MYBPC1: variants seen among roughly 807,000 people sequenced by gnomAD.
MYBPC1 encodes myosin-binding protein C, slow-type.
A neutral mutation model predicts 147.1 loss-of-function variants in MYBPC1; 52 were observed. That is an observed-to-expected ratio of 0.35 (90% CI 0.28 to 0.45). The LOEUF (loss-of-function observed/expected upper bound fraction) is 0.45. Among genes scored for constraint, MYBPC1 ranks in the 20% least tolerant of loss-of-function variants. The pLI is 1.00. For synonymous variants in MYBPC1, 477 were observed against 475.9 expected, an observed-to-expected ratio of 1.00 and a Z score of -0.03; for missense variants, 1,228 against 1,440.3, an observed-to-expected ratio of 0.85 and a Z score of 2.39.
At chr12:101,599,740 C>A (rs904609437) in intron 1 of MYBPC1, among the ~76,000 whole-genome samples, 1 of 152,170 alleles carries the variant, frequency 6.6e-6, no homozygotes, top group Non-Finnish European at 1.5e-5. Flanking sequence ...TCCCTTTTGA[C>A]TTCAAATGGT....
At chr12:101,687,798 A>C (rs7970837), downstream of MYBPC1, among the ~76,000 whole-genome samples, 4 of 151,874 alleles carry the variant, frequency 2.6e-5, no homozygotes, top group Non-Finnish European at 5.9e-5. Context: ...GGCTGCTTAT[A>C]CGTGTATGGT....
chr12:101,693,106 G>A, the MYBPC1 span, among the ~76,000 whole-genome samples: 7 of 151,682 alleles, frequency 4.6e-5, no homozygotes, highest in Non-Finnish European at 7.4e-5. Flanking sequence ...ACCACCACGC[G>A]CGGCTAATTT....
chr12:101,637,472 A>G (rs1430396140), intron 10 of MYBPC1, among the ~76,000 whole-genome samples: 2 of 152,144 alleles, frequency 1.3e-5, no homozygotes, highest in African/African-American at 2.4e-5. Context: ...ATACTATATT[A>G]TATGCCTGTT....
chr12:101,596,554 GT>G (rs1593547480), intron 1 of MYBPC1, among the ~76,000 whole-genome samples: 1 of 152,052 alleles, frequency 6.6e-6, no homozygotes, highest in Non-Finnish European at 1.5e-5. Flanking sequence ...TTTTGCATTT[GT>G]TTTTTTAAAG....
intron 17 of MYBPC1, 113 bp downstream of exon 17, chr12:101,652,897 A>G: frequency 1.1e-5 from 12 of 1,089,828 alleles, no homozygotes; most frequent in Middle Eastern, 2.1e-4. Flanking sequence ...AAATACATCA[A>G]TTGGTATTAA....
At chr12:101,608,612 T>A (rs1427964620) in intron 1 of MYBPC1, among the ~76,000 whole-genome samples, 1 of 152,220 alleles carries the variant, frequency 6.6e-6, no homozygotes, top group Admixed American at 6.5e-5. Flanking sequence ...GCTAACCTTG[T>A]TGACAACAGT....
chr12:101,629,738 T>A lies in MYBPC1; in HGVS notation c.289+194T>A, dbSNP rs779758257. Among the ~76,000 whole-genome samples the A allele has an allele frequency of 3.0e-4, 46 of 152,132 alleles. No homozygotes were observed. In the Middle Eastern group the frequency reaches 0.01, roughly 34 times the overall value. On this transcript the variant is annotated intron_variant, in intron 6 of 31. Coordinates refer to ENST00000361466, the MANE Select transcript of MYBPC1 (RefSeq NM_002465.4). ...AAATACAAAAATTAGCAGGGCATGGTGGCAGACACCTGTAATCTCAGCTAC... is the reference window on the plus strand; with the variant it reads ...AAATACAAAAATTAGCAGGGCATGGAGGCAGACACCTGTAATCTCAGCTAC...
At chr12:101,671,597 T>C (rs1350435404) in intron 24 of MYBPC1, among the ~76,000 whole-genome samples, 1 of 152,222 alleles carries the variant, frequency 6.6e-6, no homozygotes, top group Non-Finnish European at 1.5e-5. Flanking sequence ...TTTCCTTCTC[T>C]TGCAGCATCA....
Position 101,596,785 on chromosome 12 carries a change from T to G in MYBPC1, c.25+1690T>G, listed in dbSNP as rs570862131. On this transcript the variant is annotated intron_variant, in intron 1 of 31. Coordinates refer to ENST00000361466, the MANE Select transcript of MYBPC1 (RefSeq NM_002465.4). ...CAGCCCCCACCCCCCCAATATATAT[T>G]TTTTTCTTTCTGAATAAAACAGCAT... Among the ~76,000 whole-genome samples, 66 of 152,306 alleles carry G rather than the reference T, an allele frequency of 4.3e-4. 1 individual carries two copies. The South Asian group carries it at 0.013, about 31-fold the overall frequency.
chr12:101,651,446 C>T (rs1190574280), intron 16 of MYBPC1, 53 bp downstream of exon 16: 19 of 1,602,350 alleles, frequency 1.2e-5, no homozygotes, highest in Middle Eastern at 3.3e-4. Context: ...TCTACTTTCT[C>T]CATTTTCTAA....
At chr12:101,651,494 A>C (rs1894432192) in intron 16 of MYBPC1, 101 bp downstream of exon 16, 2 of 1,474,892 alleles carry the variant, frequency 1.4e-6, no homozygotes, top group East Asian at 4.5e-5. Flanking sequence ...GGGTAGCCAT[A>C]GGGAGATCAT....
intron 8 of MYBPC1, among the ~76,000 whole-genome samples, chr12:101,633,743 G>A (rs933125109): frequency 2.0e-5 from 3 of 152,048 alleles, no homozygotes; most frequent in South Asian, 2.1e-4. Context: ...AGCCCAGGAA[G>A]GTTGTGAGAG....
At chr12:101,601,151 T>TG (rs1712991873) in intron 1 of MYBPC1, among the ~76,000 whole-genome samples, 5 of 152,162 alleles carry the variant, frequency 3.3e-5, no homozygotes, top group Admixed American at 3.3e-4. Flanking sequence ...AGCCAAACTG[T>TG]GAAAAAGAAG....
chr12:101,610,892 T>C (rs1052637943), intron 1 of MYBPC1, among the ~76,000 whole-genome samples: 1 of 152,150 alleles, frequency 6.6e-6, no homozygotes, highest in Non-Finnish European at 1.5e-5. Context: ...CAAGCCTGGA[T>C]CACAGCCTGG....
At chr12:101,650,958 G>A (rs910795071) in intron 15 of MYBPC1, 11 of 439,404 alleles carry the variant, frequency 2.5e-5, no homozygotes, top group Non-Finnish European at 4.2e-5. Context: ...GTAGCTGATA[G>A]ATGTTTGAGG....
At chr12:101,664,709 C>T (rs976012550) in intron 22 of MYBPC1, 1 of 152,184 alleles carries the variant, frequency 6.6e-6, no homozygotes, top group Non-Finnish European at 1.5e-5. Flanking sequence ...CCTGATACCC[C>T]TCAATCCCTC....
At chr12:101,655,022 C>T (rs1895291784) in intron 18 of MYBPC1, among the ~76,000 whole-genome samples, 1 of 152,112 alleles carries the variant, frequency 6.6e-6, no homozygotes, top group Non-Finnish European at 1.5e-5. Flanking sequence ...TCCTGCCATC[C>T]AGTCAAACAT....
At chr12:101,597,849 A>G (rs1877978715) in intron 1 of MYBPC1, among the ~76,000 whole-genome samples, 1 of 152,128 alleles carries the variant, frequency 6.6e-6, no homozygotes, top group Non-Finnish European at 1.5e-5. Context: ...TAGTACAATT[A>G]AGTTATTCCG....
intron 1 of MYBPC1, among the ~76,000 whole-genome samples, chr12:101,596,034 T>C (rs1309031422): frequency 6.6e-6 from 1 of 152,230 alleles, no homozygotes; most frequent in Non-Finnish European, 1.5e-5. Context: ...AATCTTTATT[T>C]TTCCCTTCTG....
Sources: allele counts gnomAD v4.1 joint callset (sites outside exome capture counted in the v4.1 genomes callset), GRCh38; gene constraint gnomAD v4.1.1; transcripts MANE v1.5; gene names NCBI Gene and HGNC (gene_info 2026-07-23, HGNC 2026-07-21).